Variants in PRKAR1A observed in about 807,000 individuals in gnomAD.
The protein encoded by PRKAR1A is protein kinase cAMP-dependent type I regulatory subunit alpha.
Under a neutral mutation model 52.0 loss-of-function variants are expected in PRKAR1A, and 3 were observed. The ratio of observed to expected loss-of-function variants is 0.06; its 90% CI spans 0.03 to 0.15. The LOEUF (loss-of-function observed/expected upper bound fraction) is 0.15. Among genes scored for constraint, PRKAR1A ranks in the 10% least tolerant of loss-of-function variants. The pLI, the probability that PRKAR1A is intolerant of heterozygous loss-of-function variation, is 1.00. For missense variants in PRKAR1A, 240 were observed against 477.4 expected, an observed-to-expected ratio of 0.50 and a Z score of 4.63; for synonymous variants, 188 against 168.4, an observed-to-expected ratio of 1.12 and a Z score of -0.90.
At chr17:68,450,163 C>CAAA in the PRKAR1A span, among the ~76,000 whole-genome samples, 48 of 151,902 alleles carry the variant, frequency 3.2e-4, no homozygotes, top group South Asian at 5.4e-3. Flanking sequence ...GAAAATGCTA[C>CAAA]AAAAAAAACA....
intron 11 of PRKAR1A, chr17:68,541,041 C>T: frequency 1.9e-6 from 3 of 1,542,206 alleles, no homozygotes; most frequent in Non-Finnish European, 2.6e-6. Context: ...CCCTGCCCCC[C>T]CAATCCCTGC....
upstream of PRKAR1A, among the ~76,000 whole-genome samples, chr17:68,506,786 C>T (rs780967293): frequency 6.0e-4 from 91 of 152,198 alleles, no homozygotes; most frequent in Non-Finnish European, 1.2e-3. Context: ...CTGGCCCAGA[C>T]TGTGAACTTT....
In PRKAR1A at chr17:68,530,985, G is replaced by T; in HGVS notation, c.*536G>T. 9.3e-7 allele frequency: 1 copy of T among 1,074,934 alleles called. No homozygotes were observed. The allele number at this position is 1,074,934 out of a possible 1,614,324, so 66.6% of individuals were successfully genotyped here. A position where few individuals can be genotyped will look rare whatever the true frequency, so the allele number is the denominator to read the frequency against. On this transcript the variant is annotated 3_prime_UTR_variant, in exon 11 of 11. Coordinates refer to ENST00000589228, the MANE Select transcript of PRKAR1A (RefSeq NM_002734.5). The stretch of plus-strand genomic sequence containing the variant: ...TAAACTAGTTTAAGGGTGGAAAAAT[G>T]CCCATTTTTGCTAATTATCAATGGG...
At chr17:68,470,534 C>T in the PRKAR1A span, among the ~76,000 whole-genome samples, 1 of 152,222 alleles carries the variant, frequency 6.6e-6, no homozygotes, top group Non-Finnish European at 1.5e-5. Context: ...TATCTTTAAA[C>T]ACTACTTTTC....
At chr17:68,445,191 A>G in the PRKAR1A span, among the ~76,000 whole-genome samples, 1 of 152,016 alleles carries the variant, frequency 6.6e-6, no homozygotes, top group Non-Finnish European at 1.5e-5. Flanking sequence ...AAGTGCTGGG[A>G]TGATAGGCCT....
At chr17:68,521,280 A>AG (rs2085598646) in intron 2 of PRKAR1A, among the ~76,000 whole-genome samples, 1 of 152,018 alleles carries the variant, frequency 6.6e-6, no homozygotes. Context: ...CCCAGGCCTG[A>AG]GTGCAGTGGT....
chr17:68,428,735 A>G, the PRKAR1A span: 3 of 948,738 alleles, frequency 3.2e-6, no homozygotes, highest in African/African-American at 3.2e-5. Context: ...GAACAAATCA[A>G]TGCAAGGGCA....
the PRKAR1A span, among the ~76,000 whole-genome samples, chr17:68,472,342 T>C: frequency 6.6e-6 from 1 of 152,100 alleles, no homozygotes; most frequent in Non-Finnish European, 1.5e-5. Context: ...TACCATTTCC[T>C]CACCCCTCCA....
At chr17:68,536,654 T>G (rs543574725), downstream of PRKAR1A, 8 of 452,878 alleles carry the variant, frequency 1.8e-5, no homozygotes, top group Non-Finnish European at 3.5e-5. Flanking sequence ...GTAGTCAGCC[T>G]TGGCTCTTTT....
the PRKAR1A span, among the ~76,000 whole-genome samples, chr17:68,437,967 A>AAAAAAAG: frequency 7.4e-6 from 1 of 135,632 alleles, no homozygotes; most frequent in African/African-American, 2.7e-5. Flanking sequence ...AAAAAAAAAA[A>AAAAAAAG]AAAAAAGTGA....
the PRKAR1A span, among the ~76,000 whole-genome samples, chr17:68,488,174 A>G: frequency 6.6e-6 from 1 of 152,094 alleles, no homozygotes; most frequent in Non-Finnish European, 1.5e-5. Flanking sequence ...TCTATGTTTC[A>G]GGTGGAGGGA....
At chr17:68,496,508 A>G in the PRKAR1A span, among the ~76,000 whole-genome samples, 3 of 152,248 alleles carry the variant, frequency 2.0e-5, no homozygotes, top group Non-Finnish European at 4.4e-5. Context: ...TCATCTGATT[A>G]GTAACCTTAA....
At chr17:68,496,149 C>G in the PRKAR1A span, among the ~76,000 whole-genome samples, 1 of 142,382 alleles carries the variant, frequency 7.0e-6, no homozygotes, top group African/African-American at 2.7e-5. Flanking sequence ...TCAAGCAATT[C>G]TCCTGCCTCA....
intron 11 of PRKAR1A, chr17:68,540,823 C>G (rs1271951433): frequency 6.4e-7 from 1 of 1,574,494 alleles, no homozygotes; most frequent in African/African-American, 1.3e-5. Context: ...CCCACTTCTG[C>G]TGGGGGCCTG....
chr17:68,458,376 A>C, the PRKAR1A span, among the ~76,000 whole-genome samples: 1 of 152,264 alleles, frequency 6.6e-6, no homozygotes, highest in African/African-American at 2.4e-5. Flanking sequence ...AATAACTGCT[A>C]AACAGTAATT....
Position 68,520,039 on chromosome 17 carries a change from G to A in PRKAR1A, c.178-2717G>A, listed in dbSNP as rs142052251. Among the ~76,000 whole-genome samples, 1,360 of 152,296 alleles carry A rather than the reference G, an allele frequency of 8.9e-3. 13 individuals carry two copies. Among genetic ancestry groups the A allele is most frequent in the Middle Eastern group, 0.017 (5 of 294 alleles). Reference sequence around the variant, plus strand: ...CAGACCAGTCATGTGCAGTTCTTCTGGTATCAGCCTGTCTTATGTTCTTGA... The same window carrying A: ...CAGACCAGTCATGTGCAGTTCTTCTAGTATCAGCCTGTCTTATGTTCTTGA... On this transcript the variant is annotated intron_variant, in intron 2 of 10. Transcript: ENST00000589228.
chr17:68,457,627 T>C, the PRKAR1A span: 7 of 334,204 alleles, frequency 2.1e-5, no homozygotes, highest in African/African-American at 2.3e-5. Context: ...CCGCCCCTTC[T>C]CGCCCCTCCA....
At chr17:68,538,530 AAC>A (rs2086161738) in intron 11 of PRKAR1A, among the ~76,000 whole-genome samples, 3 of 152,370 alleles carry the variant, frequency 2.0e-5, no homozygotes, top group Admixed American at 6.5e-5. Context: ...GCCTGGCTGA[AAC>A]ACTGGAGAAG....
intron 5 of PRKAR1A, 107 bp downstream of exon 5, chr17:68,524,184 CTTT>C: frequency 1.0e-6 from 1 of 995,178 alleles, no homozygotes; most frequent in Non-Finnish European, 1.5e-6. Flanking sequence ...GATCCTACCA[CTTT>C]TTTTTTTCTG....
Sources: gnomAD v4.1 joint callset for allele counts (sites outside exome capture counted in the v4.1 genomes callset) on GRCh38, gnomAD v4.1.1 for gene constraint, MANE v1.5 for transcripts, NCBI Gene and HGNC (gene_info 2026-07-23, HGNC 2026-07-21) for gene names.